Variants in GALNTL6 observed in about 807,000 individuals in gnomAD.
GALNTL6 encodes the protein polypeptide N-acetylgalactosaminyltransferase like 6.
Under a neutral mutation model 73.7 loss-of-function variants are expected in GALNTL6, and 46 were observed. The ratio of observed to expected loss-of-function variants is 0.62; its 90% confidence interval spans 0.49 to 0.80. GALNTL6 has a LOEUF of 0.80. Ranked by LOEUF, GALNTL6 falls within the 30% of genes least tolerant of loss-of-function variation. The pLI is 0.00. For synonymous variants in GALNTL6, 259 were observed against 263.7 expected (o/e 0.98, Z 0.17); for missense variants, 604 against 755.0 (o/e 0.80, Z 2.34).
intron 5 of GALNTL6, among the ~76,000 whole-genome samples, chr4:172,556,756 A>G (rs1022998857): frequency 3.3e-5 from 5 of 151,780 alleles, no homozygotes; most frequent in East Asian, 1.9e-4. Context: ...AAAAAAAAAA[A>G]AAGAAGAACA....
chr4:172,848,610 T>C (rs558897569), intron 7 of GALNTL6, among the ~76,000 whole-genome samples: 1 of 152,272 alleles, frequency 6.6e-6, no homozygotes, highest in African/African-American at 2.4e-5. Context: ...AGACCTCATC[T>C]TGAGTCAACA....
At chr4:171,943,564 G>A (rs1378989737) in intron 2 of GALNTL6, among the ~76,000 whole-genome samples, 1 of 152,098 alleles carries the variant, frequency 6.6e-6, no homozygotes, top group Non-Finnish European at 1.5e-5. Context: ...TAGTAGACAT[G>A]CTAGACCAAC....
intron 5 of GALNTL6, among the ~76,000 whole-genome samples, chr4:172,584,996 A>G (rs1383691638): frequency 6.6e-6 from 1 of 152,218 alleles, no homozygotes; most frequent in Non-Finnish European, 1.5e-5. Context: ...GCAGTTATGC[A>G]AGAGAATGTG....
At chr4:172,614,416 T>C (rs147432374) in intron 5 of GALNTL6, among the ~76,000 whole-genome samples, 21 of 152,280 alleles carry the variant, frequency 1.4e-4, no homozygotes, top group African/African-American at 4.6e-4. Context: ...TCTAACAATT[T>C]ATATTTTTAT....
chr4:173,004,705 C>T (rs1472609827), intron 10 of GALNTL6, among the ~76,000 whole-genome samples: 4 of 152,114 alleles, frequency 2.6e-5, no homozygotes, highest in Non-Finnish European at 5.9e-5. Flanking sequence ...TTTTTTGCCA[C>T]GTTAAAAATT....
chr4:172,181,695 C>CATCAT (rs1180171292), intron 2 of GALNTL6, among the ~76,000 whole-genome samples: 1 of 151,158 alleles, frequency 6.6e-6, no homozygotes, highest in Non-Finnish European at 1.5e-5. Context: ...TAGAAAATGC[C>CATCAT]ATCATCTCAG....
At chr4:172,326,183 G>A (rs751948989) in intron 4 of GALNTL6, among the ~76,000 whole-genome samples, 5 of 151,796 alleles carry the variant, frequency 3.3e-5, no homozygotes, top group African/African-American at 7.3e-5. Flanking sequence ...AGTTATCTAC[G>A]TATATATAGC....
intron 2 of GALNTL6, among the ~76,000 whole-genome samples, chr4:172,025,056 T>C (rs1020740051): frequency 8.6e-5 from 13 of 152,010 alleles, no homozygotes; most frequent in African/African-American, 3.1e-4. Context: ...CCCTCAATGC[T>C]TCACAGCTTA....
rs145113089 is a variant in GALNTL6 at position 172,425,182 on chromosome 4, G to A, written c.553+76493G>A. 196 of 152,080 alleles carry A rather than the reference G, an allele frequency of 1.3e-3. 1 individual carries two copies. Among genetic ancestry groups the A allele is most frequent in the African/African-American group, 4.4e-3 (184 of 41,508 alleles). The allele number at this position is 152,080 out of a possible 1,614,324, so 9.4% of individuals were successfully genotyped here. ...TAGATTCTTTTCTAATAATATATGT[G>A]AACAATGCATCTTAGTTATATCTAT... On this transcript the variant is annotated intron_variant, in intron 5 of 12. Coordinates refer to ENST00000506823, the MANE Select transcript of GALNTL6 (RefSeq NM_001034845.3).
At chr4:172,111,517 CT>C (rs796359642) in intron 2 of GALNTL6, among the ~76,000 whole-genome samples, 3 of 152,054 alleles carry the variant, frequency 2.0e-5, no homozygotes, top group African/African-American at 7.2e-5. Flanking sequence ...ATTTTTCTGT[CT>C]GATATGAGAA....
intron 5 of GALNTL6, among the ~76,000 whole-genome samples, chr4:172,523,962 C>T (rs188184729): frequency 6.6e-6 from 1 of 152,126 alleles, no homozygotes; most frequent in African/African-American, 2.4e-5. Context: ...CTTCGAAGGC[C>T]CTCTCTTGAC....
At chr4:172,063,091 C>T (rs990185409) in intron 2 of GALNTL6, among the ~76,000 whole-genome samples, 4 of 152,204 alleles carry the variant, frequency 2.6e-5, no homozygotes, top group African/African-American at 9.6e-5. Context: ...AAAATTTCAT[C>T]TCATTTCCCT....
chr4:172,761,716 C>A (rs1320989794), intron 5 of GALNTL6, among the ~76,000 whole-genome samples: 1 of 143,972 alleles, frequency 6.9e-6, no homozygotes, highest in Non-Finnish European at 1.5e-5. Context: ...TCCTGCTCCA[C>A]TATGGTAAAA....
chr4:172,094,669 G>T (rs1732298576), intron 2 of GALNTL6, among the ~76,000 whole-genome samples: 1 of 151,958 alleles, frequency 6.6e-6, no homozygotes, highest in Admixed American at 6.6e-5. Flanking sequence ...TTGAACCATG[G>T]TTTATTTGTA....
chr4:172,206,805 G>GTTTGTTTTTTTTTTTTTTTTT lies in GALNTL6; in HGVS notation c.139-22848_139-22847insGTTTTTTTTTTTTTTTTTTTT, dbSNP rs1554003003. On this transcript the variant is annotated intron_variant, in intron 2 of 12. Transcript: ENST00000506823. ...TTGTTTTGTTTTGTTTTGTTTTTCT[G>GTTTGTTTTTTTTTTTTTTTTT]TTTTTTTTGTTTGTTTTTTTTTTTT... 2.2e-3 allele frequency among the ~76,000 whole-genome samples: 58 copies of GTTTGTTTTTTTTTTTTTTTTT among 26,166 alleles called. 3 individuals are homozygous for GTTTGTTTTTTTTTTTTTTTTT. The highest frequency in any genetic ancestry group is 3.5e-3 in the Non-Finnish European group (42 of 11,862). The allele number at this position is 26,166 out of a possible 152,430, so 17.2% of individuals were successfully genotyped here.
intron 4 of GALNTL6, among the ~76,000 whole-genome samples, chr4:172,346,268 A>C (rs748893136): frequency 6.6e-5 from 10 of 152,258 alleles, no homozygotes; most frequent in African/African-American, 9.6e-5. Context: ...GCTACGTTCC[A>C]ACTGGATGTC....
intron 10 of GALNTL6, among the ~76,000 whole-genome samples, chr4:172,966,395 C>T (rs927707660): frequency 2.0e-5 from 3 of 149,678 alleles, no homozygotes; most frequent in African/African-American, 7.6e-5. Flanking sequence ...AACAGGGAGT[C>T]GATCTTTTTT....
intron 12 of GALNTL6, among the ~76,000 whole-genome samples, chr4:173,028,730 C>T (rs1753334652): frequency 6.6e-6 from 1 of 152,186 alleles, no homozygotes; most frequent in African/African-American, 2.4e-5. Flanking sequence ...AAACTTAACA[C>T]ATTTATTTGT....
At chr4:172,576,943 A>G (rs897277302) in intron 5 of GALNTL6, among the ~76,000 whole-genome samples, 1 of 152,166 alleles carries the variant, frequency 6.6e-6, no homozygotes, top group African/African-American at 2.4e-5. Flanking sequence ...TTAGGATTTG[A>G]GAGCGTACCT....
Sources: gnomAD v4.1 joint callset for allele counts (sites outside exome capture counted in the v4.1 genomes callset) on GRCh38, gnomAD v4.1.1 for gene constraint, MANE v1.5 for transcripts, NCBI Gene and HGNC (gene_info 2026-07-23, HGNC 2026-07-21) for gene names.